AKAP13: variants seen among roughly 807,000 people sequenced by gnomAD.
AKAP13 encodes A-kinase anchor protein 13.
Under a neutral mutation model 264.5 loss-of-function variants are expected in AKAP13, and 80 were observed. The observed-to-expected ratio is 0.30, with a 90% CI of 0.25 to 0.36. The LOEUF (loss-of-function observed/expected upper bound fraction) is 0.36, where lower values mean the gene tolerates loss of function less well. Ranked by LOEUF, AKAP13 falls within the 10% of genes least tolerant of loss-of-function variation. The pLI, the probability that AKAP13 is intolerant of heterozygous loss-of-function variation, is 1.00. For missense variants in AKAP13, 3,712 were observed against 3,435.2 expected (o/e 1.08, Z -2.01); for synonymous variants, 1,380 against 1,250.2 (o/e 1.10, Z -2.19).
intron 1 of AKAP13, among the ~76,000 whole-genome samples, chr15:85,476,600 G>A (rs1441231801): frequency 6.6e-6 from 1 of 152,184 alleles, no homozygotes; most frequent in Non-Finnish European, 1.5e-5. Flanking sequence ...GGAAAATAAA[G>A]CTTGGTAGTT....
At chr15:85,710,997 C>G (rs1408341998) in intron 19 of AKAP13, among the ~76,000 whole-genome samples, 1 of 147,420 alleles carries the variant, frequency 6.8e-6, no homozygotes, top group Non-Finnish European at 1.5e-5. Flanking sequence ...CAAATGAGAT[C>G]TGGCTTGTTA....
At chr15:85,668,567 G>C (rs1256994095) in intron 13 of AKAP13, among the ~76,000 whole-genome samples, 1 of 152,238 alleles carries the variant, frequency 6.6e-6, no homozygotes, top group Non-Finnish European at 1.5e-5. Flanking sequence ...GGATAGGGAA[G>C]AGATTTAGGC....
At position 85,736,015 on chromosome 15, in the gene AKAP13, AAC is replaced by A. The variant is rs562020035; in HGVS notation, c.7513-71_7513-70del. 3.8e-5 allele frequency: 45 copies of A among 1,199,912 alleles called. No individual in the cohort carries two copies. The East Asian group carries it at 6.8e-4, about 18-fold the overall frequency. 74.3% of individuals were successfully genotyped at this position (1,199,912 alleles called of 1,614,324 possible). ...GGTAGAAAATGGAAAGCTACAGCCTAACACAGAAACACACTGAATGTCATTTT... is the reference window on the plus strand; with the variant it reads ...GGTAGAAAATGGAAAGCTACAGCCTAACAGAAACACACTGAATGTCATTTT... On this transcript the variant is annotated intron_variant, in intron 32 of 36. Coordinates refer to ENST00000394518, the MANE Select transcript of AKAP13 (RefSeq NM_007200.5).
chr15:85,381,924 T>G (rs955326814), intron 1 of AKAP13: 1 of 152,210 alleles, frequency 6.6e-6, no homozygotes, highest in African/African-American at 2.4e-5. Flanking sequence ...GGTGCAGTTC[T>G]TGAAAGGTCA....
chr15:85,596,550 C>G (rs917899452), intron 8 of AKAP13, among the ~76,000 whole-genome samples: 2 of 151,980 alleles, frequency 1.3e-5, no homozygotes, highest in African/African-American at 4.8e-5. Flanking sequence ...TGCCACTGCA[C>G]CCTAGTCTGG....
intron 4 of AKAP13, among the ~76,000 whole-genome samples, chr15:85,538,690 T>C (rs1265117874): frequency 2.7e-5 from 4 of 147,402 alleles, no homozygotes; most frequent in East Asian, 4.1e-4. Flanking sequence ...GGGGTTTCAC[T>C]GTGTTAGCCA....
chr15:85,420,086 C>T (rs1343313369), intron 1 of AKAP13, among the ~76,000 whole-genome samples: 44 of 151,144 alleles, frequency 2.9e-4, no homozygotes, highest in African/African-American at 8.2e-4. Flanking sequence ...GGACTACAGG[C>T]GCCCGCCACT....
intron 1 of AKAP13, among the ~76,000 whole-genome samples, chr15:85,407,249 ACGGAGTCTTGCTCTGTCAC>A (rs2071714261): frequency 7.7e-6 from 1 of 129,894 alleles, no homozygotes; most frequent in Non-Finnish European, 1.6e-5. Context: ...TTTTTTTGGG[ACGGAGTCTTGCTCTGTCAC>A]CCAGGCTGGA....
intron 1 of AKAP13, among the ~76,000 whole-genome samples, chr15:85,387,049 G>A (rs1011802628): frequency 6.6e-6 from 1 of 151,740 alleles, no homozygotes; most frequent in Non-Finnish European, 1.5e-5. Context: ...TTAAGATGAG[G>A]TCTCAGCCGG....
chr15:85,415,349 AGATTGTATCATCACTTGT>A, intron 1 of AKAP13: 1 of 1,576,760 alleles, frequency 6.3e-7, no homozygotes. Flanking sequence ...TAGCCAAGCC[AGATTGTATCATCACTTGT>A]GATGGCAAAA....
At chr15:85,671,436 A>G (rs1373436396) in intron 14 of AKAP13, among the ~76,000 whole-genome samples, 6 of 96,378 alleles carry the variant, frequency 6.2e-5, no homozygotes, top group African/African-American at 2.7e-4. Context: ...ACTGCCTCAA[A>G]AAAAAAAAAA....
chr15:85,744,258 G>C (rs573435877), intron 36 of AKAP13: 2 of 298,728 alleles, frequency 6.7e-6, no homozygotes, highest in East Asian at 1.9e-4. Flanking sequence ...ATGTGCCAGC[G>C]GCCACAGAGC....
Position 85,727,900 on chromosome 15 carries a change from G to A in AKAP13, c.7087+437G>A, listed in dbSNP as rs2087711629. 6.6e-6 allele frequency among the ~76,000 whole-genome samples: 1 copy of A among 152,216 alleles called. No individual in the cohort carries two copies. Among genetic ancestry groups the A allele is most frequent in the Admixed American group, 6.5e-5 (1 of 15,284 alleles). On this transcript the variant is annotated intron_variant, in intron 29 of 36. Coordinates refer to ENST00000394518, the MANE Select transcript of AKAP13 (RefSeq NM_007200.5). This position sits in a 1 kb window ranked among gnomAD's most constrained non-coding sequence, Gnocchi z 5.3. ...CACTTATCCGCATGTTTACAAATGA[G>A]TTGTGAGGTGAAGTTTTGGGAGCAG...
At chr15:85,717,886 G>A (rs974108393) in intron 21 of AKAP13, 121 bp from the exon 22 acceptor site, 18 of 949,288 alleles carry the variant, frequency 1.9e-5, no homozygotes, top group African/African-American at 3.3e-5. Flanking sequence ...TATGATCTCT[G>A]TGAATATCCC....
intron 2 of AKAP13, among the ~76,000 whole-genome samples, chr15:85,510,580 T>C (rs922822979): frequency 1.3e-5 from 2 of 152,248 alleles, no homozygotes; most frequent in Admixed American, 6.5e-5. Flanking sequence ...GGCAGTTCTA[T>C]ATGTATATTT....
chr15:85,440,745 T>TA (rs1478992679), intron 1 of AKAP13, among the ~76,000 whole-genome samples: 3 of 152,226 alleles, frequency 2.0e-5, no homozygotes, highest in Non-Finnish European at 4.4e-5. Context: ...GCCATCCAGT[T>TA]ACTCTTGTCA....
chr15:85,615,530 C>T (rs1023650154), intron 8 of AKAP13, among the ~76,000 whole-genome samples: 4 of 152,238 alleles, frequency 2.6e-5, no homozygotes, highest in Non-Finnish European at 5.9e-5. Flanking sequence ...ACAGGAGTTG[C>T]TCAAGTGGAG....
At chr15:85,612,837 A>G (rs2080718559) in intron 8 of AKAP13, among the ~76,000 whole-genome samples, 1 of 22,118 alleles carries the variant, frequency 4.5e-5, no homozygotes, top group South Asian at 1.0e-3. Context: ...AAAAAAAAAG[A>G]AAAAAAGAAA....
At position 85,745,692 on chromosome 15, in the gene AKAP13, C is replaced by T. The variant is rs890399222; in HGVS notation, c.*1015C>T. On this transcript the variant is annotated 3_prime_UTR_variant, in exon 37 of 37. Coordinates refer to ENST00000394518, the MANE Select transcript of AKAP13 (RefSeq NM_007200.5). ...ACCACTGCCAGGGGTCAGCCTCGCACCCAGGCCAGGCAGAAGCTGTGCTCT... is the reference window on the plus strand; with the variant it reads ...ACCACTGCCAGGGGTCAGCCTCGCATCCAGGCCAGGCAGAAGCTGTGCTCT... 4 of 152,246 alleles carry T rather than the reference C, an allele frequency of 2.6e-5. No homozygotes were observed. Among genetic ancestry groups the T allele is most frequent in the Admixed American group, 2.0e-4 (3 of 15,286 alleles). The allele number at this position is 152,246 out of a possible 1,614,324, so 9.4% of individuals were successfully genotyped here.
Sources: gnomAD v4.1 joint callset for allele counts (sites outside exome capture counted in the v4.1 genomes callset) on GRCh38, gnomAD v4.1.1 for gene constraint, Gnocchi (gnomAD v3.1) non-coding constraint, MANE v1.5 for transcripts, NCBI Gene and HGNC (gene_info 2026-07-23, HGNC 2026-07-21) for gene names.